The following PLXDC1 variants were observed in gnomAD, a reference collection of about 807,000 sequenced individuals.
PLXDC1 encodes the protein plexin domain-containing protein 1.
PLXDC1 carries 39 observed loss-of-function variants against 61.3 expected under a neutral mutation model. The observed-to-expected ratio is 0.64, with a 90% CI of 0.49 to 0.83. PLXDC1 has a LOEUF of 0.83. Ranked by LOEUF, PLXDC1 falls within the 40% of genes least tolerant of loss-of-function variation. The pLI is 0.00. For synonymous variants in PLXDC1, 212 were observed against 254.5 expected (o/e 0.83, Z 1.59); for missense variants, 596 against 666.5 (o/e 0.89, Z 1.17).
At chr17:39,090,264 C>A (rs1329661845) in intron 7 of PLXDC1, among the ~76,000 whole-genome samples, 1 of 152,150 alleles carries the variant, frequency 6.6e-6, no homozygotes. Context: ...GAATGTCATT[C>A]CATGCAGTGA....
At chr17:39,141,161 C>G (rs1911923160) in intron 1 of PLXDC1, among the ~76,000 whole-genome samples, 1 of 152,194 alleles carries the variant, frequency 6.6e-6, no homozygotes, top group Non-Finnish European at 1.5e-5. Flanking sequence ...TCCTAAGTAG[C>G]TGGGACTATA....
intron 2 of PLXDC1, among the ~76,000 whole-genome samples, chr17:39,123,518 T>C (rs1008735749): frequency 8.6e-5 from 13 of 151,942 alleles, no homozygotes; most frequent in African/African-American, 3.1e-4. Flanking sequence ...AGGGGTTTCT[T>C]GAAAGGATTA....
chr17:39,067,696 G>T lies in PLXDC1; in HGVS notation c.*144C>A. ...TCAATATTCGGGGTGTGCTGACGAA[G>T]CGAGCAGCAGCTCTGGAGCCATAAA... On this transcript the variant is annotated 3_prime_UTR_variant, in exon 14 of 14. Transcript: ENST00000315392. The T allele has an allele frequency of 1.3e-6, 1 of 765,868 alleles. No homozygotes were observed. The highest frequency in any genetic ancestry group is 2.1e-6 in the Non-Finnish European group (1 of 475,356). 47.4% of individuals were successfully genotyped at this position (765,868 alleles called of 1,614,324 possible). A position where few individuals can be genotyped will look rare whatever the true frequency, so the allele number is the denominator to read the frequency against.
intron 7 of PLXDC1, among the ~76,000 whole-genome samples, chr17:39,094,957 G>A (rs549819516): frequency 1.3e-5 from 2 of 152,310 alleles, no homozygotes; most frequent in South Asian, 4.1e-4. Flanking sequence ...AGAAGGAAGG[G>A]GAAATGGGAG....
rs184441328 is a variant in PLXDC1, at chr17:39,119,882, C to A, written c.256-10491G>T. On this transcript the variant is annotated intron_variant, in intron 2 of 13. Transcript: ENST00000315392. ...ACTAAAAATAAAATCCTAAGTCCCCCAACCAACTGAATGGACCCCCTCTTG... is the reference window on the plus strand; with the variant it reads ...ACTAAAAATAAAATCCTAAGTCCCCAAACCAACTGAATGGACCCCCTCTTG... Among the ~76,000 whole-genome samples the A allele has an allele frequency of 3.0e-4, 45 of 152,074 alleles. 1 individual carries two copies. The highest frequency in any genetic ancestry group is 2.7e-3 in the Admixed American group (41 of 15,260).
At chr17:39,122,110 A>AAG (rs1911178751) in intron 2 of PLXDC1, among the ~76,000 whole-genome samples, 1 of 102,430 alleles carries the variant, frequency 9.8e-6, no homozygotes, top group Admixed American at 9.4e-5. Flanking sequence ...AAAAAAAAAA[A>AAG]AGGGGGGGGG....
chr17:39,136,571 T>G (rs1911758629), intron 2 of PLXDC1, among the ~76,000 whole-genome samples: 1 of 151,566 alleles, frequency 6.6e-6, no homozygotes, highest in African/African-American at 2.4e-5. Context: ...GAAATACAGG[T>G]TTAGTCATGG....
chr17:39,106,648 C>CTTTTTTTTTTTTTT (rs199666120), intron 6 of PLXDC1, among the ~76,000 whole-genome samples: 21 of 122,574 alleles, frequency 1.7e-4, no homozygotes, highest in East Asian at 2.2e-4. Flanking sequence ...TTTTCTTTTT[C>CTTTTTTTTTTTTTT]TTTCTTTTTT....
intron 2 of PLXDC1, among the ~76,000 whole-genome samples, chr17:39,110,472 A>G (rs1438941713): frequency 1.3e-5 from 2 of 152,190 alleles, no homozygotes; most frequent in African/African-American, 2.4e-5. Context: ...GGCCAGGGAA[A>G]TGGTTGGCAG....
At chr17:39,098,350 G>C (rs1910298995) in intron 7 of PLXDC1, among the ~76,000 whole-genome samples, 3 of 152,090 alleles carry the variant, frequency 2.0e-5, no homozygotes, top group Admixed American at 2.0e-4. Context: ...AACTCAAGTG[G>C]TGTCAGACCC....
intron 6 of PLXDC1, among the ~76,000 whole-genome samples, chr17:39,106,286 ATCTG>A (rs201408562): frequency 0.016 from 2,419 of 151,234 alleles, 53 homozygotes; most frequent in African/African-American, 0.054. Context: ...TGGCTCTCAA[ATCTG>A]TCTGTTTTCC....
Position 39,067,691 on chromosome 17 carries a change from A to C in PLXDC1, c.*149T>G. The C allele has an allele frequency of 1.4e-6, 1 of 733,912 alleles. No homozygotes were observed. The highest frequency in any genetic ancestry group is 2.2e-6 in the Non-Finnish European group (1 of 448,338). 45.5% of individuals were successfully genotyped at this position (733,912 alleles called of 1,614,324 possible). A position where few individuals can be genotyped will look rare whatever the true frequency, so the allele number is the denominator to read the frequency against. Reference sequence around the variant, plus strand: ...CCTCTTCAATATTCGGGGTGTGCTGACGAAGCGAGCAGCAGCTCTGGAGCC... The same window carrying C: ...CCTCTTCAATATTCGGGGTGTGCTGCCGAAGCGAGCAGCAGCTCTGGAGCC... On this transcript the variant is annotated 3_prime_UTR_variant, in exon 14 of 14. Transcript: ENST00000315392.
At chr17:39,069,552 C>T (rs1909029971) in intron 13 of PLXDC1, among the ~76,000 whole-genome samples, 3 of 152,186 alleles carry the variant, frequency 2.0e-5, no homozygotes, top group African/African-American at 7.2e-5. Context: ...TAGATGAGCA[C>T]TATGTGGCAC....
At chr17:39,152,137 A>G (rs1211998871), upstream of PLXDC1, among the ~76,000 whole-genome samples, 2 of 116,352 alleles carry the variant, frequency 1.7e-5, no homozygotes, top group Admixed American at 1.1e-4. Context: ...TCTCCCCAAG[A>G]GGGGCCTGAA....
intron 1 of PLXDC1, among the ~76,000 whole-genome samples, chr17:39,142,448 C>T (rs1209821072): frequency 3.3e-5 from 5 of 152,190 alleles, no homozygotes; most frequent in African/African-American, 9.7e-5. Flanking sequence ...CGCGGCCATG[C>T]GAACCTCCAT....
At chr17:39,097,942 C>T (rs1249997562) in intron 7 of PLXDC1, among the ~76,000 whole-genome samples, 2 of 149,396 alleles carry the variant, frequency 1.3e-5, no homozygotes, top group African/African-American at 2.5e-5. Context: ...CAACGGCTCA[C>T]GCCTGTAATC....
intron 1 of PLXDC1, among the ~76,000 whole-genome samples, chr17:39,143,628 G>A (rs540264652): frequency 2.0e-5 from 3 of 152,350 alleles, no homozygotes; most frequent in Admixed American, 6.5e-5. Context: ...CCAGAACTCC[G>A]CTGTGGGGCC....
At position 39,114,545 on chromosome 17, in the gene PLXDC1, T is replaced by C. The variant is rs16231; in HGVS notation, c.256-5154A>G. Among the ~76,000 whole-genome samples the C allele has an allele frequency of 2.2e-3, 328 of 152,348 alleles. 6 individuals are homozygous for C. In the East Asian group the frequency reaches 0.04, roughly 19 times the overall value. On this transcript the variant is annotated intron_variant, in intron 2 of 13. Coordinates refer to ENST00000315392, the MANE Select transcript of PLXDC1 (RefSeq NM_020405.5). Reference sequence around the variant, plus strand: ...CTTCATGTCTGCCTTTCCTGTAAGATCGTAAGACCCCAAGAGTAAGGTCAG... The same window carrying C: ...CTTCATGTCTGCCTTTCCTGTAAGACCGTAAGACCCCAAGAGTAAGGTCAG...
At chr17:39,098,237 A>G in intron 7 of PLXDC1, among the ~76,000 whole-genome samples, 1 of 147,866 alleles carries the variant, frequency 6.8e-6, no homozygotes, top group Admixed American at 6.8e-5. Flanking sequence ...AAAAATCCGT[A>G]TACAATTTTA....
Sources: allele counts gnomAD v4.1 joint callset (sites outside exome capture counted in the v4.1 genomes callset), GRCh38; gene constraint gnomAD v4.1.1; transcripts MANE v1.5; gene names NCBI Gene and HGNC (gene_info 2026-07-23, HGNC 2026-07-21).